Variants in GALNT5 observed in about 807,000 individuals in gnomAD.
The protein encoded by GALNT5 is polypeptide N-acetylgalactosaminyltransferase 5, also known as UDP-GalNAc:polypeptide N-acetylgalactosaminyltransferase 5.
GALNT5 carries 72 observed loss-of-function variants against 85.4 expected under a neutral mutation model. The observed-to-expected ratio is 0.84, with a 90% CI of 0.70 to 1.03. The LOEUF (loss-of-function observed/expected upper bound fraction) is 1.03. GALNT5 is among the 50% of genes least tolerant of loss of function. The probability of loss-of-function intolerance (pLI) is 0.00; values close to 1 mark genes in which losing one functional copy is unlikely to be tolerated. For missense variants in GALNT5, 1,137 were observed against 1,135.5 expected, an observed-to-expected ratio of 1.00 and a Z score of -0.02; for synonymous variants, 404 against 397.0, an observed-to-expected ratio of 1.02 and a Z score of -0.21.
intron 1 of GALNT5, among the ~76,000 whole-genome samples, chr2:157,267,648 G>A (rs1425590935): frequency 6.6e-6 from 1 of 152,184 alleles, no homozygotes; most frequent in African/African-American, 2.4e-5. Flanking sequence ...CACTGTGACA[G>A]CTTCCTGCTC....
At position 157,273,086 on chromosome 2, in the gene GALNT5, G is replaced by A. The variant is rs1399042271; in HGVS notation, c.1455-11196G>A. Reference sequence around the variant, plus strand: ...GCCATTCTAACTGGTATGAGATGGTGTCTCATTGTTCATTTACCTTTTACT... The same window carrying A: ...GCCATTCTAACTGGTATGAGATGGTATCTCATTGTTCATTTACCTTTTACT... On this transcript the variant is annotated intron_variant, in intron 1 of 9. Transcript: ENST00000259056. Among the ~76,000 whole-genome samples, 9 of 151,972 alleles carry A rather than the reference G, an allele frequency of 5.9e-5. No homozygotes were observed. The South Asian group carries it at 1.9e-3, about 32-fold the overall frequency.
Position 157,259,550 on chromosome 2 carries a change from C to A in GALNT5, c.1454+14C>A. On this transcript the variant is annotated intron_variant, in intron 1 of 9. Transcript: ENST00000259056. ...CAGACCTGCTGGGTAAGACCTATTT[C>A]TCTTCTCTTTCCTCAACCCCAAGTG... 2.3e-6 allele frequency: 3 copies of A among 1,317,470 alleles called. No individual in the cohort carries two copies. Among genetic ancestry groups the A allele is most frequent in the Non-Finnish European group, 2.9e-6 (3 of 1,023,776 alleles). 81.6% of individuals were successfully genotyped at this position (1,317,470 alleles called of 1,614,324 possible).
rs143773769 is a variant in GALNT5 at position 157,261,280 on chromosome 2, C to T, written c.1454+1744C>T. Among the ~76,000 whole-genome samples, 533 of 151,350 alleles carry T rather than the reference C, an allele frequency of 3.5e-3. 4 individuals are homozygous for T. Among genetic ancestry groups the T allele is most frequent in the African/African-American group, 0.012 (490 of 41,206 alleles). ...TTCCAAACCAGAGAAAAGGCACATG[C>T]GTGGCGGGGGTGGGGGTGCTCAAAG... On this transcript the variant is annotated intron_variant, in intron 1 of 9. Coordinates refer to ENST00000259056, the MANE Select transcript of GALNT5 (RefSeq NM_014568.3).
chr2:157,269,634 G>GA (rs1262820461), intron 1 of GALNT5, among the ~76,000 whole-genome samples: 6 of 152,152 alleles, frequency 3.9e-5, no homozygotes, highest in Admixed American at 3.9e-4. Flanking sequence ...CGGGGGAATA[G>GA]AGGATTAGAT....
chr2:157,262,713 T>C (rs1682371718), intron 1 of GALNT5, among the ~76,000 whole-genome samples: 1 of 151,492 alleles, frequency 6.6e-6, no homozygotes, highest in African/African-American at 2.4e-5. Flanking sequence ...CTTCTCTTAC[T>C]CTAGTTCTAA....
chr2:157,304,027 A>T (rs541836651), intron 7 of GALNT5, among the ~76,000 whole-genome samples: 1 of 152,296 alleles, frequency 6.6e-6, no homozygotes, highest in East Asian at 1.9e-4. Context: ...GAATTTTCCA[A>T]ATTTGTTTGA....
chr2:157,294,045 G>T (rs2105154330), intron 3 of GALNT5, among the ~76,000 whole-genome samples: 1 of 152,330 alleles, frequency 6.6e-6, no homozygotes, highest in East Asian at 1.9e-4. Context: ...CATAAAACAT[G>T]CATGAAGAAT....
At position 157,258,421 on chromosome 2, in the gene GALNT5, A is replaced by G. The variant is rs1574006478; in HGVS notation, c.339A>G (p.Lys113=). 1 of 1,609,854 alleles carries G rather than the reference A, an allele frequency of 6.2e-7. No homozygotes were observed. The change falls in exon 1 of 10, where the codon AAA becomes AAG. Residue 113 remains lysine (K), a synonymous_variant. Coordinates refer to ENST00000259056, the MANE Select transcript of GALNT5 (RefSeq NM_014568.3). ...VDLDQTQRER[K]MQNALGRGKV... ...TGGACCAAACCCAGAGGGAAAGAAA[A>G]ATGCAGAATGCCCTGGGAAGGGGCA...
intron 3 of GALNT5, among the ~76,000 whole-genome samples, chr2:157,287,208 T>G (rs1000258951): frequency 2.0e-5 from 3 of 152,212 alleles, no homozygotes; most frequent in Non-Finnish European, 4.4e-5. Flanking sequence ...GACACATTGA[T>G]CCATGAAAAT....
chr2:157,307,387 T>C (rs1301905124), intron 8 of GALNT5, among the ~76,000 whole-genome samples: 2 of 152,206 alleles, frequency 1.3e-5, no homozygotes, highest in African/African-American at 4.8e-5. Flanking sequence ...TCCCTTACCT[T>C]ACCTAAAAAG....
At chr2:157,260,338 C>G (rs1346660035) in intron 1 of GALNT5, among the ~76,000 whole-genome samples, 2 of 152,258 alleles carry the variant, frequency 1.3e-5, no homozygotes, top group East Asian at 1.9e-4. Flanking sequence ...AGTTACAACA[C>G]TTTCTCAAGG....
chr2:157,313,113 G>A lies in GALNT5; in HGVS notation c.*1765G>A, dbSNP rs1172135297. 6.6e-6 allele frequency: 1 copy of A among 152,150 alleles called. No individual in the cohort carries two copies. Among genetic ancestry groups the A allele is most frequent in the Non-Finnish European group, 1.5e-5 (1 of 67,998 alleles). 9.4% of individuals were successfully genotyped at this position (152,150 alleles called of 1,614,324 possible). On this transcript the variant is annotated 3_prime_UTR_variant, in exon 10 of 10. Coordinates refer to ENST00000259056, the MANE Select transcript of GALNT5 (RefSeq NM_014568.3). ...GAGAATGACTAGGAAATGAGATACAGTTATATGACACATAATGATGTTTTA... is the reference window on the plus strand; with the variant it reads ...GAGAATGACTAGGAAATGAGATACAATTATATGACACATAATGATGTTTTA...
chr2:157,292,706 A>G (rs1049742423), intron 3 of GALNT5, among the ~76,000 whole-genome samples: 4 of 151,192 alleles, frequency 2.6e-5, no homozygotes, highest in Non-Finnish European at 5.9e-5. Context: ...TAGAAATCGT[A>G]TTATTATTTT....
intron 5 of GALNT5, chr2:157,298,837 C>T (rs1191864684): frequency 2.0e-5 from 3 of 152,460 alleles, no homozygotes; most frequent in Non-Finnish European, 2.9e-5. Flanking sequence ...AAGGTGTCTA[C>T]TGTCCTTGGG....
intron 3 of GALNT5, among the ~76,000 whole-genome samples, chr2:157,294,783 ACCACAC>A (rs1336727030): frequency 6.8e-5 from 4 of 58,714 alleles, no homozygotes; most frequent in Admixed American, 3.7e-4. Flanking sequence ...ATCACATCAC[ACCACAC>A]ACACACACAC....
chr2:157,266,805 A>G (rs1682467271), intron 1 of GALNT5, among the ~76,000 whole-genome samples: 2 of 152,166 alleles, frequency 1.3e-5, no homozygotes, highest in South Asian at 4.1e-4. Flanking sequence ...TTGTTTCCTT[A>G]TAGTCATATG....
intron 1 of GALNT5, among the ~76,000 whole-genome samples, chr2:157,265,100 AT>A (rs1401548158): frequency 2.0e-5 from 3 of 152,164 alleles, no homozygotes; most frequent in Admixed American, 6.5e-5. Flanking sequence ...TGCCTTTTGA[AT>A]AGTGTGTATG....
chr2:157,273,979 C>T (rs1031813491), intron 1 of GALNT5, among the ~76,000 whole-genome samples: 4 of 151,994 alleles, frequency 2.6e-5, no homozygotes, highest in Non-Finnish European at 5.9e-5. Flanking sequence ...CCTCCAGCCC[C>T]CCACCCCCTA....
intron 3 of GALNT5, among the ~76,000 whole-genome samples, chr2:157,291,370 C>T (rs1683093484): frequency 6.6e-6 from 1 of 152,158 alleles, no homozygotes; most frequent in Non-Finnish European, 1.5e-5. Flanking sequence ...TCCTAAAAAG[C>T]AACAGTAGAC....
Sources: gnomAD v4.1 joint callset for allele counts (sites outside exome capture counted in the v4.1 genomes callset) on GRCh38, gnomAD v4.1.1 for gene constraint, MANE v1.5 for transcripts, NCBI Gene and HGNC (gene_info 2026-07-23, HGNC 2026-07-21) for gene names.